LGR4: variants seen among roughly 807,000 people sequenced by gnomAD.
LGR4 encodes leucine-rich repeat-containing G protein-coupled receptor 4.
LGR4 carries 44 observed loss-of-function variants against 84.8 expected under a neutral mutation model. The observed-to-expected ratio is 0.52, with a 90% CI of 0.41 to 0.67. The LOEUF (loss-of-function observed/expected upper bound fraction) is 0.67, where lower values mean the gene tolerates loss of function less well. LGR4 is among the 30% of genes least tolerant of loss of function. LGR4 has a pLI of 0.00. For missense variants in LGR4, 1,032 were observed against 1,131.4 expected, an observed-to-expected ratio of 0.91 and a Z score of 1.26; for synonymous variants, 429 against 434.3, an observed-to-expected ratio of 0.99 and a Z score of 0.15.
chr11:27,431,355 A>G (rs1427996392), intron 1 of LGR4, among the ~76,000 whole-genome samples: 1 of 152,188 alleles, frequency 6.6e-6, no homozygotes, highest in Admixed American at 6.5e-5. Flanking sequence ...GCAGTATATT[A>G]CAATGGCCCC....
At chr11:27,466,940 C>T (rs192758985) in intron 1 of LGR4, among the ~76,000 whole-genome samples, 26 of 152,098 alleles carry the variant, frequency 1.7e-4, no homozygotes, top group Admixed American at 3.9e-4. Flanking sequence ...TGCACCACCA[C>T]GCCCGGCTAA....
intron 11 of LGR4, among the ~76,000 whole-genome samples, chr11:27,377,617 T>A (rs137858099): frequency 6.6e-6 from 1 of 152,078 alleles, no homozygotes; most frequent in Non-Finnish European, 1.5e-5. Flanking sequence ...AAATTTGTAT[T>A]TTTTCAATAT....
At chr11:27,450,582 A>C (rs113129727) in intron 1 of LGR4, among the ~76,000 whole-genome samples, 6,989 of 152,138 alleles carry the variant, frequency 0.046, 466 homozygotes, top group African/African-American at 0.15. Flanking sequence ...TGAGGTCGGG[A>C]GTTTGAGACC....
chr11:27,458,222 C>T (rs760560979), intron 1 of LGR4, among the ~76,000 whole-genome samples: 8 of 152,130 alleles, frequency 5.3e-5, no homozygotes, highest in African/African-American at 1.9e-4. Flanking sequence ...ATAGGCCAGA[C>T]GCAAAAGGTT....
Position 27,372,158 on chromosome 11 carries a change from CCTGGCCAG to C in LGR4, c.1495+117_1495+124del, listed in dbSNP as rs1862896597. The stretch of plus-strand genomic sequence containing the variant: ...GAGATTACAGGCATGAGCCATCACA[CCTGGCCAG>C]ACAATGCCATTTTTCTCACAGATTT... On this transcript the variant is annotated intron_variant, in intron 16 of 17. Transcript: ENST00000379214. The C allele has an allele frequency of 5.7e-6, 4 of 698,274 alleles. No individual in the cohort carries two copies. In the South Asian group the frequency reaches 6.8e-5, roughly 12 times the overall value. 43.3% of individuals were successfully genotyped at this position (698,274 alleles called of 1,614,324 possible).
At chr11:27,437,494 T>C (rs989589545) in intron 1 of LGR4, among the ~76,000 whole-genome samples, 3 of 152,170 alleles carry the variant, frequency 2.0e-5, no homozygotes, top group African/African-American at 7.2e-5. Context: ...TGAGTTAAAA[T>C]TGAGAAGGAG....
At chr11:27,447,173 T>G (rs1864406238) in intron 1 of LGR4, among the ~76,000 whole-genome samples, 1 of 151,844 alleles carries the variant, frequency 6.6e-6, no homozygotes, top group Admixed American at 6.6e-5. Context: ...ACCCTAGAAC[T>G]TAAAGTATAA....
Position 27,376,369 on chromosome 11 carries a change from A to T in LGR4, c.1111T>A (p.Ser371Thr). The change falls in exon 13 of 18, where the codon TCT becomes ACT. Residue 371 changes from serine to threonine, a missense_variant and splice_region_variant. Transcript: ENST00000379214. ...TGGTAGATTTGATTACGCTGTAAAG[A>T]ACTAAATAAAAAAAGAAGAAGAAAG... ...FNGCHALEEI[S>T]LQRNQIYQIK... The T allele has an allele frequency of 6.7e-7, 1 of 1,487,732 alleles. No individual in the cohort carries two copies. The highest frequency in any genetic ancestry group is 9.2e-7 in the Non-Finnish European group (1 of 1,082,542). 92.2% of individuals were successfully genotyped at this position (1,487,732 alleles called of 1,614,324 possible). A position where few individuals can be genotyped will look rare whatever the true frequency, so the allele number is the denominator to read the frequency against.
In LGR4 at chr11:27,390,882, A is replaced by G. The variant is rs189612061; in HGVS notation, c.401+212T>C. ...GTACACCCAGCAGTGAATACCCAGT[A>G]GCTTTCTCTCAGCCTCTAAGACAAG... On this transcript the variant is annotated intron_variant, in intron 4 of 17. Transcript: ENST00000379214. Among the ~76,000 whole-genome samples the G allele has an allele frequency of 2.0e-5, 3 of 152,328 alleles. No individual in the cohort carries two copies. In the East Asian group the frequency reaches 5.8e-4, roughly 29 times the overall value.
chr11:27,422,408 A>G (rs1026076490), intron 1 of LGR4, among the ~76,000 whole-genome samples: 5 of 152,206 alleles, frequency 3.3e-5, no homozygotes, highest in Non-Finnish European at 7.3e-5. Flanking sequence ...GCTCACAACC[A>G]ATTAATAGAT....
chr11:27,429,419 G>C (rs1864077830), intron 1 of LGR4, among the ~76,000 whole-genome samples: 1 of 151,856 alleles, frequency 6.6e-6, no homozygotes, highest in Non-Finnish European at 1.5e-5. Context: ...GGAGGCGGAG[G>C]TTGCAGTGGG....
At chr11:27,419,662 G>GTA (rs1309092589) in intron 1 of LGR4, among the ~76,000 whole-genome samples, 1 of 147,492 alleles carries the variant, frequency 6.8e-6, no homozygotes, top group Non-Finnish European at 1.5e-5. Context: ...ATATATATGT[G>GTA]TATATATATC....
chr11:27,454,622 G>A (rs1222702650), intron 1 of LGR4, among the ~76,000 whole-genome samples: 1 of 152,004 alleles, frequency 6.6e-6, no homozygotes, highest in African/African-American at 2.4e-5. Context: ...TTAGCCAGAT[G>A]TGGTGGCATG....
chr11:27,409,635 C>G (rs1353818659), intron 2 of LGR4, among the ~76,000 whole-genome samples: 1 of 152,056 alleles, frequency 6.6e-6, no homozygotes, highest in Non-Finnish European at 1.5e-5. Flanking sequence ...CTTAAAATGA[C>G]CCTTCATTAT....
intron 1 of LGR4, among the ~76,000 whole-genome samples, chr11:27,449,618 T>C (rs184779640): frequency 2.7e-5 from 4 of 150,276 alleles, no homozygotes; most frequent in Non-Finnish European, 4.4e-5. Context: ...TATTTACTAT[T>C]ATTAAAAAAA....
chr11:27,460,455 C>A (rs533395042), intron 1 of LGR4, among the ~76,000 whole-genome samples: 1 of 152,304 alleles, frequency 6.6e-6, no homozygotes, highest in African/African-American at 2.4e-5. Context: ...AGAGCAATAC[C>A]CAAATCCCCT....
At position 27,367,436 on chromosome 11, in the gene LGR4, G is replaced by A. The variant is rs568029385; in HGVS notation, c.*431C>T. 1.3e-5 allele frequency: 2 copies of A among 154,620 alleles called. No individual in the cohort carries two copies. Among genetic ancestry groups the A allele is most frequent in the South Asian group, 4.0e-4 (2 of 4,940 alleles). 9.6% of individuals were successfully genotyped at this position (154,620 alleles called of 1,614,324 possible). Reference sequence around the variant, plus strand: ...AGTAAGTTGTCCTGAGATTAAGGATGAAACATTAGGTAAAATTAGCAAGAT... The same window carrying A: ...AGTAAGTTGTCCTGAGATTAAGGATAAAACATTAGGTAAAATTAGCAAGAT... On this transcript the variant is annotated 3_prime_UTR_variant, in exon 18 of 18. Transcript: ENST00000379214.
chr11:27,377,286 G>T, intron 11 of LGR4, 63 bp from the exon 12 acceptor site: 1 of 831,780 alleles, frequency 1.2e-6, no homozygotes, highest in Non-Finnish European at 1.9e-6. Flanking sequence ...TAAAAGAGTG[G>T]TACTCAGAAG....
At chr11:27,467,522 G>A (rs1299297777) in intron 1 of LGR4, among the ~76,000 whole-genome samples, 5 of 149,782 alleles carry the variant, frequency 3.3e-5, no homozygotes, top group Non-Finnish European at 7.4e-5. Context: ...AGCCGAGGTC[G>A]TGCCACTGCA....
Sources: allele counts gnomAD v4.1 joint callset (sites outside exome capture counted in the v4.1 genomes callset), GRCh38; gene constraint gnomAD v4.1.1; transcripts MANE v1.5; gene names NCBI Gene and HGNC (gene_info 2026-07-23, HGNC 2026-07-21).